MEIS2: variants seen among roughly 807,000 people sequenced by gnomAD.
MEIS2 encodes the protein homeobox protein Meis2.
Under a neutral mutation model 58.6 loss-of-function variants are expected in MEIS2, and 9 were observed. The ratio of observed to expected loss-of-function variants is 0.15; its 90% CI spans 0.09 to 0.27. The LOEUF (loss-of-function observed/expected upper bound fraction) is 0.27. MEIS2 is among the 10% of genes least tolerant of loss of function. The pLI, the probability that MEIS2 is intolerant of heterozygous loss-of-function variation, is 1.00. For missense variants in MEIS2, 427 were observed against 635.0 expected, an observed-to-expected ratio of 0.67 and a Z score of 3.52; for synonymous variants, 221 against 228.4, an observed-to-expected ratio of 0.97 and a Z score of 0.29.
At position 36,910,021 on chromosome 15, in the gene MEIS2, G is replaced by A. The variant is rs1328985047; in HGVS notation, c.978-13335C>T. Among the ~76,000 whole-genome samples, 4 of 152,042 alleles carry A rather than the reference G, an allele frequency of 2.6e-5. No individual in the cohort carries two copies. In the East Asian group the frequency reaches 5.8e-4, roughly 22 times the overall value. On this transcript the variant is annotated intron_variant, in intron 9 of 11. Transcript: ENST00000561208. ...AGTTTGAGGCCAGCCTGGGCAACAT[G>A]ATGAAGCCCCATCTCTACGAAAACC...
chr15:36,942,582 C>G (rs1222342979), intron 9 of MEIS2, among the ~76,000 whole-genome samples: 4 of 152,140 alleles, frequency 2.6e-5, no homozygotes, highest in Non-Finnish European at 5.9e-5. Context: ...ATTACCAGAG[C>G]AGATTCTCAA....
At chr15:37,048,406 T>C (rs1204028335) in intron 7 of MEIS2, among the ~76,000 whole-genome samples, 2 of 152,104 alleles carry the variant, frequency 1.3e-5, no homozygotes, top group African/African-American at 4.8e-5. Context: ...ACAGAAATTA[T>C]TTCATTCCAT....
At chr15:37,036,022 A>C (rs1324727298) in intron 8 of MEIS2, among the ~76,000 whole-genome samples, 7 of 152,242 alleles carry the variant, frequency 4.6e-5, no homozygotes, top group Non-Finnish European at 4.4e-5. Context: ...CCAAATGAAC[A>C]GTAAAATATA....
chr15:36,918,903 C>T (rs1174559799), intron 9 of MEIS2, among the ~76,000 whole-genome samples: 2 of 152,218 alleles, frequency 1.3e-5, no homozygotes, highest in Non-Finnish European at 2.9e-5. Flanking sequence ...TACATGACCT[C>T]TCTGACTCAC....
intron 7 of MEIS2, among the ~76,000 whole-genome samples, chr15:37,037,312 T>C (rs982490191): frequency 1.3e-5 from 2 of 152,182 alleles, no homozygotes; most frequent in African/African-American, 4.8e-5. Context: ...GAACACATAC[T>C]GTAGGGTAAT....
intron 8 of MEIS2, among the ~76,000 whole-genome samples, chr15:36,995,776 C>T (rs1318177022): frequency 1.3e-5 from 1 of 79,204 alleles, no homozygotes; most frequent in Non-Finnish European, 2.7e-5. Context: ...GAAAAAAAAC[C>T]TAGAGGTAAG....
chr15:37,046,485 C>T (rs2062676408), intron 7 of MEIS2, among the ~76,000 whole-genome samples: 1 of 152,092 alleles, frequency 6.6e-6, no homozygotes. Context: ...CAGACTGCAG[C>T]TTGGATGAAA....
chr15:37,094,610 C>A, intron 4 of MEIS2, 33 bp from the exon 5 acceptor site: 1 of 1,592,536 alleles, frequency 6.3e-7, no homozygotes. Flanking sequence ...GGAGTTAGAG[C>A]TCTGTGACTC....
At chr15:37,064,416 C>CA (rs1488316369) in intron 7 of MEIS2, among the ~76,000 whole-genome samples, 3 of 151,720 alleles carry the variant, frequency 2.0e-5, no homozygotes, top group Non-Finnish European at 1.5e-5. Flanking sequence ...CAATTGTAAA[C>CA]AAAAAACCAT....
At chr15:37,098,736 C>T (rs1249548453) in intron 1 of MEIS2, among the ~76,000 whole-genome samples, 3 of 152,024 alleles carry the variant, frequency 2.0e-5, no homozygotes, top group Admixed American at 1.3e-4. Flanking sequence ...CCCCCCTTCG[C>T]CTCCTCTGAG....
rs372646327 is a variant in MEIS2 at position 37,098,045 on chromosome 15, G to C, written c.167C>G (p.Pro56Arg). ...ACTGGCCGGCATGACATTGGGGTGC[G>C]GGGCGTGCGCGCCGTAGTGCTGTGT... The part of the protein sequence containing the change: ...HATQHYGAHA[P>R]HPNVMPASMG... The change falls in exon 2 of 12, where the codon CCG (proline) becomes CGG (arginine). Residue 56 changes from proline (P) to arginine (R), a missense_variant. Transcript: ENST00000561208. 2 of 1,613,274 alleles carry C rather than the reference G, an allele frequency of 1.2e-6. No individual in the cohort carries two copies. Among genetic ancestry groups the C allele is most frequent in the Non-Finnish European group, 1.7e-6 (2 of 1,179,610 alleles).
In MEIS2 at chr15:37,099,546, G is replaced by T; in HGVS notation, c.-80C>A. The T allele has an allele frequency of 5.8e-6, 9 of 1,557,606 alleles. No homozygotes were observed. Among genetic ancestry groups the T allele is most frequent in the Non-Finnish European group, 7.8e-6 (9 of 1,148,022 alleles). ...GGATAAGAAAGTGATCTAGGCTGAAGATTCCTTTTTTTTTTTTCCAAACCA... is the reference window on the plus strand; with the variant it reads ...GGATAAGAAAGTGATCTAGGCTGAATATTCCTTTTTTTTTTTTCCAAACCA... On this transcript the variant is annotated 5_prime_UTR_variant, in exon 1 of 12. Transcript: ENST00000561208.
chr15:36,915,248 AT>A (rs540762222), intron 9 of MEIS2, among the ~76,000 whole-genome samples: 76 of 149,712 alleles, frequency 5.1e-4, no homozygotes, highest in African/African-American at 1.6e-3. Flanking sequence ...TAAGATTTTT[AT>A]TTTTTTCTCC....
Position 37,095,610 on chromosome 15 carries a change from C to T in MEIS2, c.392G>A (p.Arg131His). The change falls in exon 4 of 12, where the codon CGC becomes CAC. Residue 131 changes from arginine to histidine, a missense_variant. Physicochemically the swap from Arg to His is conservative, Grantham distance 29. This residue lies in a region of MEIS2 where 138 missense variants were observed against 263.0 expected (regional missense o/e 0.52). Transcript: ENST00000561208. ...EDIAVFAKQV[R>H]AEKPLFSSNP... is the part of the protein sequence containing the mutation. ...TGAGGAAAAAAGTGGCTTTTCGGCG[C>T]GAACCTGTAAGAAACAGAGAGTCAA... is the stretch of plus-strand genomic sequence containing the variant. 1 of 1,614,132 alleles carries T rather than the reference C, an allele frequency of 6.2e-7. No homozygotes were observed. Among genetic ancestry groups the T allele is most frequent in the Non-Finnish European group, 8.5e-7 (1 of 1,180,026 alleles).
intron 7 of MEIS2, among the ~76,000 whole-genome samples, chr15:37,062,431 C>G (rs1355869473): frequency 6.6e-6 from 1 of 152,092 alleles, no homozygotes; most frequent in Non-Finnish European, 1.5e-5. Flanking sequence ...GTTTTAGTTG[C>G]AAAAACATAA....
chr15:37,041,949 G>A (rs1567217189), intron 7 of MEIS2, among the ~76,000 whole-genome samples: 2 of 152,090 alleles, frequency 1.3e-5, no homozygotes, highest in Admixed American at 1.3e-4. Context: ...GGCCTGTTTG[G>A]GAGGATTGCT....
At chr15:37,017,922 A>G (rs1327864116) in intron 8 of MEIS2, among the ~76,000 whole-genome samples, 1 of 152,184 alleles carries the variant, frequency 6.6e-6, no homozygotes, top group Non-Finnish European at 1.5e-5. Flanking sequence ...GGGAAATTTA[A>G]AAGTATTTGT....
chr15:37,012,245 G>C (rs879276285), intron 8 of MEIS2, among the ~76,000 whole-genome samples: 3 of 152,172 alleles, frequency 2.0e-5, no homozygotes, highest in African/African-American at 4.8e-5. Context: ...GTTCAATATA[G>C]CAGCAAGATT....
chr15:36,890,614 G>A lies in MEIS2; in HGVS notation c.*1559C>T, dbSNP rs978933424. On this transcript the variant is annotated 3_prime_UTR_variant, in exon 12 of 12. Transcript: ENST00000561208. Reference sequence around the variant, plus strand: ...TATCCAACAATATTGTAGTAAGACAGGCAGAGGAAAAACACAGGCAGATAA... The same window carrying A: ...TATCCAACAATATTGTAGTAAGACAAGCAGAGGAAAAACACAGGCAGATAA... 2 of 152,098 alleles carry A rather than the reference G, an allele frequency of 1.3e-5. No individual in the cohort carries two copies. The highest frequency in any genetic ancestry group is 4.8e-5 in the African/African-American group (2 of 41,412). 9.4% of individuals were successfully genotyped at this position (152,098 alleles called of 1,614,324 possible).
Sources: gnomAD v4.1 joint callset for allele counts (sites outside exome capture counted in the v4.1 genomes callset) on GRCh38, gnomAD v4.1.1 for gene constraint, gnomAD v4.1.1 regional missense constraint, MANE v1.5 for transcripts, NCBI Gene and HGNC (gene_info 2026-07-23, HGNC 2026-07-21) for gene names.